ABCC2: variants seen among roughly 807,000 people sequenced by gnomAD.
ABCC2 encodes ATP-binding cassette sub-family C member 2.
Under a neutral mutation model 173.4 loss-of-function variants are expected in ABCC2, and 157 were observed. The ratio of observed to expected loss-of-function variants is 0.91; its 90% CI spans 0.80 to 1.03. The LOEUF is 1.03. Ranked by LOEUF, ABCC2 falls within the 50% of genes least tolerant of loss-of-function variation. The pLI is 0.00. For synonymous variants in ABCC2, 657 were observed against 693.5 expected, an observed-to-expected ratio of 0.95 and a Z score of 0.83; for missense variants, 1,822 against 1,852.3, an observed-to-expected ratio of 0.98 and a Z score of 0.30.
chr10:99,822,780 TA>T (rs578215895), intron 19 of ABCC2, among the ~76,000 whole-genome samples: 77 of 152,366 alleles, frequency 5.1e-4, no homozygotes, highest in African/African-American at 1.7e-3. Flanking sequence ...TCTTTTTGTT[TA>T]ACTAATTGAG....
rs766200636 is a variant in ABCC2 at position 99,784,768 on chromosome 10, A to C, written c.194A>C (p.Tyr65Ser). The change falls in exon 2 of 32, where the codon TAT (tyrosine) becomes TCT (serine). Residue 65 changes from tyrosine to serine, a missense_variant. Tyr to Ser is a moderately radical substitution (Grantham distance 144). Transcript: ENST00000647814. ...RTKRSSTTKL[Y>S]LAKQVFVGFL... is the part of the protein sequence containing the mutation. ...AAGAGATCCTCTACCACCAAACTCT[A>C]TCTTGCTAAGCAGGTAAAGTTAACA... 14 of 1,613,928 alleles carry C rather than the reference A, an allele frequency of 8.7e-6. No individual in the cohort carries two copies. The highest frequency in any genetic ancestry group is 1.2e-5 in the Non-Finnish European group (14 of 1,180,004).
intron 29 of ABCC2, 28 bp downstream of exon 29, chr10:99,845,810 T>TG (rs2039008858): frequency 6.3e-7 from 1 of 1,597,464 alleles, no homozygotes; most frequent in Non-Finnish European, 8.5e-7. Flanking sequence ...CTCGGGCACA[T>TG]GCCGTGGGGA....
chr10:99,817,140 G>A (rs1381006077), intron 16 of ABCC2, among the ~76,000 whole-genome samples, 168 bp from the exon 17 acceptor site: 3 of 152,148 alleles, frequency 2.0e-5, no homozygotes, highest in Non-Finnish European at 4.4e-5. Flanking sequence ...AGTCCTGAGA[G>A]TGGAATAACT....
intron 31 of ABCC2, 45 bp downstream of exon 31, chr10:99,850,841 G>T: frequency 6.2e-7 from 1 of 1,604,274 alleles, no homozygotes; most frequent in Non-Finnish European, 8.5e-7. Flanking sequence ...CTTAACCCTT[G>T]CTCAACAGTA....
chr10:99,799,342 T>G lies in ABCC2; in HGVS notation c.1003T>G (p.Phe335Val), dbSNP rs2037974021. Residue 335 changes from phenylalanine (F) to valine (V), a missense_variant, in exon 8 of 32, where the codon TTC (phenylalanine) becomes GTC (valine). Transcript: ENST00000647814. ...SFLLKLVNDI[F>V]TFVSPQLLKL... is the part of the protein sequence containing the mutation. The stretch of plus-strand genomic sequence containing the variant: ...CCTACTGAAGCTAGTGAATGACATC[T>G]TCACGTTTGTGAGTCCTCAGCTGCT... 4.3e-6 allele frequency: 7 copies of G among 1,614,094 alleles called. No individual in the cohort carries two copies. Among genetic ancestry groups the G allele is most frequent in the Non-Finnish European group, 5.9e-6 (7 of 1,180,038 alleles).
intron 11 of ABCC2, among the ~76,000 whole-genome samples, chr10:99,806,856 C>T (rs1216531613): frequency 6.6e-6 from 1 of 152,132 alleles, no homozygotes; most frequent in Non-Finnish European, 1.5e-5. Context: ...TGAAACAGAG[C>T]CCCCTTTTAA....
At chr10:99,838,068 A>C in intron 25 of ABCC2, among the ~76,000 whole-genome samples, 2 of 55,284 alleles carry the variant, frequency 3.6e-5, no homozygotes, top group Admixed American at 1.4e-4. Context: ...GGCGCCCCTC[A>C]CCTCCCGGAC....
rs753036793 is a variant in ABCC2, at chr10:99,797,295, C to T, written c.831C>T (p.Asn277=). Residue 277 remains asparagine, a synonymous_variant, in exon 7 of 32, where the codon AAC becomes AAT. Transcript: ENST00000647814. ...QNSGARLPGL[N]KNQSQSQDAL... is the part of the protein sequence containing the mutation. ...CTGGAGCCAGGCTGCCTGGCTTGAA[C>T]AAGAATCAGAGTCAAAGCCAAGATG... 1.9e-6 allele frequency: 3 copies of T among 1,613,728 alleles called. No homozygotes were observed. The highest frequency in any genetic ancestry group is 2.5e-6 in the Non-Finnish European group (3 of 1,179,854).
chr10:99,800,478 C>T lies in ABCC2; in HGVS notation c.1124C>T (p.Ser375Phe). The T allele has an allele frequency of 6.2e-7, 1 of 1,614,200 alleles. No homozygotes were observed. The highest frequency in any genetic ancestry group is 8.5e-7 in the Non-Finnish European group (1 of 1,180,042). Residue 375 changes from serine to phenylalanine, a missense_variant, in exon 9 of 32, where the codon TCT becomes TTT. By Grantham distance (155) the Ser-to-Phe change is radical. Coordinates refer to ENST00000647814, the MANE Select transcript of ABCC2 (RefSeq NM_000392.5). ...ILLFTAALIQ[S>F]FCLQCYFQLC... ...TTATTCACTGCGGCTCTCATTCAGT[C>T]TTTCTGCCTTCAGTGTTATTTCCAA...
chr10:99,850,613 G>A lies in ABCC2; in HGVS notation c.4325G>A (p.Arg1442Lys). ...EAGGNLSIGQ[R>K]QLLCLGRALL... ...TCTATTGGCTGCAGCATAGGCCAGA[G>A]GCAGCTGCTGTGCCTGGGCAGGGCT... The change falls in exon 31 of 32, where the codon AGG (arginine) becomes AAG (lysine). Residue 1442 changes from arginine to lysine, a missense_variant. By Grantham distance (26) the Arg-to-Lys change is conservative (BLOSUM62 2). Coordinates refer to ENST00000647814, the MANE Select transcript of ABCC2 (RefSeq NM_000392.5). 6.2e-7 allele frequency: 1 copy of A among 1,614,160 alleles called. No homozygotes were observed. The highest frequency in any genetic ancestry group is 1.7e-4 in the Middle Eastern group (1 of 6,060).
chr10:99,807,141 C>T (rs1261872160), intron 11 of ABCC2, among the ~76,000 whole-genome samples: 3 of 152,198 alleles, frequency 2.0e-5, no homozygotes, highest in Admixed American at 2.0e-4. Context: ...GCCCTTTAGT[C>T]CCAGGCAAAC....
chr10:99,783,438 C>T (rs1828262670), intron 1 of ABCC2, among the ~76,000 whole-genome samples: 2 of 152,096 alleles, frequency 1.3e-5, no homozygotes, highest in Admixed American at 1.3e-4. Flanking sequence ...AACAGTGTAA[C>T]ATTACGGAGT....
rs143863790 is a variant in ABCC2, at chr10:99,798,505, T to A, written c.868-702T>A. 8.9e-4 allele frequency among the ~76,000 whole-genome samples: 135 copies of A among 152,334 alleles called. No individual in the cohort carries two copies. The Middle Eastern group carries it at 0.014, about 15-fold the overall frequency. Reference sequence around the variant, plus strand: ...TCCCCAGCTCAGGAGGCCAGAAGGCTGAAGTCAAGATATCAGACTCGCTCC... The same window carrying A: ...TCCCCAGCTCAGGAGGCCAGAAGGCAGAAGTCAAGATATCAGACTCGCTCC... On this transcript the variant is annotated intron_variant, in intron 7 of 31. Transcript: ENST00000647814.
Position 99,830,362 on chromosome 10 carries a change from A to G in ABCC2, c.2676A>G (p.Glu892=), listed in dbSNP as rs1482060082. 2.5e-6 allele frequency: 4 copies of G among 1,613,998 alleles called. No homozygotes were observed. In the African/African-American group the frequency reaches 5.3e-5, roughly 22 times the overall value. Residue 892 remains glutamate, a synonymous_variant, in exon 20 of 32, where the codon GAA becomes GAG. Transcript: ENST00000647814. ...ACTATGGGCTGATATCCAGTGTGGA[A>G]GAGATCCCCGAAGATGCAGCCTCCA... The part of the protein sequence containing the change: ...DDDYGLISSV[E]EIPEDAASIT...
intron 14 of ABCC2, among the ~76,000 whole-genome samples, chr10:99,810,638 C>T (rs2038194084): frequency 6.6e-6 from 1 of 152,178 alleles, no homozygotes; most frequent in African/African-American, 2.4e-5. Context: ...GGAATTCATA[C>T]AAGGGGACTG....
chr10:99,820,707 G>C (rs184259826), intron 19 of ABCC2, among the ~76,000 whole-genome samples: 38 of 152,274 alleles, frequency 2.5e-4, no homozygotes, highest in Admixed American at 1.5e-3. Flanking sequence ...CAGGCCAGGA[G>C]AGTGGGGCAG....
At chr10:99,838,430 C>T (rs1410294048) in intron 25 of ABCC2, among the ~76,000 whole-genome samples, 212 of 88,770 alleles carry the variant, frequency 2.4e-3, no homozygotes, top group South Asian at 5.0e-3. Flanking sequence ...GGCGGGGGGC[C>T]GACCCCCCCA....
intron 19 of ABCC2, among the ~76,000 whole-genome samples, chr10:99,821,815 C>T (rs904932068): frequency 5.3e-5 from 8 of 151,700 alleles, no homozygotes; most frequent in Non-Finnish European, 8.8e-5. Flanking sequence ...CTTTTCTTTT[C>T]GACAAAACCG....
Position 99,842,037 on chromosome 10 carries a change from TATAG to T in ABCC2, c.3687_3690del (p.Tyr1229Ter). 6 of 1,614,212 alleles carry T rather than the reference TATAG, an allele frequency of 3.7e-6. No homozygotes were observed. Among genetic ancestry groups the T allele is most frequent in the Non-Finnish European group, 5.1e-6 (6 of 1,180,032 alleles). On this transcript the variant is annotated frameshift_variant, in exon 26 of 32. Transcript: ENST00000647814. LOFTEE classifies it high-confidence loss of function. The stretch of plus-strand genomic sequence containing the variant: ...CTTTTCAGCCTTGATGATGGTTATT[TATAG>T]AGATACCCTAAGTGGGGACACTGTT...
Sources: gnomAD v4.1 joint callset for allele counts (sites outside exome capture counted in the v4.1 genomes callset) on GRCh38, gnomAD v4.1.1 for gene constraint, MANE v1.5 for transcripts, NCBI Gene and HGNC (gene_info 2026-07-23, HGNC 2026-07-21) for gene names.